PLPPR4: variants seen among roughly 807,000 people sequenced by gnomAD.
PLPPR4 encodes the protein phospholipid phosphatase-related protein type 4.
In PLPPR4, 24 loss-of-function variants were observed where a neutral mutation model predicts 56.6. The ratio of observed to expected loss-of-function variants is 0.42; its 90% confidence interval spans 0.31 to 0.60. PLPPR4 has a LOEUF of 0.60. Ranked by LOEUF, PLPPR4 falls within the 20% of genes least tolerant of loss-of-function variation. The pLI is 0.13. For missense variants in PLPPR4, 654 were observed against 885.8 expected (o/e 0.74, Z 3.32); for synonymous variants, 326 against 328.1 (o/e 0.99, Z 0.07).
chr1:99,284,148 T>C (rs1467558073), intron 1 of PLPPR4, among the ~76,000 whole-genome samples: 1 of 152,190 alleles, frequency 6.6e-6, no homozygotes, highest in East Asian at 1.9e-4. Flanking sequence ...CAATTCTATA[T>C]GTATGCCGAA....
intron 1 of PLPPR4, among the ~76,000 whole-genome samples, chr1:99,273,253 T>C (rs1659103119): frequency 6.6e-6 from 1 of 152,136 alleles, no homozygotes; most frequent in Admixed American, 6.5e-5. Flanking sequence ...GGCTTTCTTA[T>C]TTGCTGTAAC....
At chr1:99,285,577 G>A (rs987560885) in intron 1 of PLPPR4, among the ~76,000 whole-genome samples, 1 of 151,846 alleles carries the variant, frequency 6.6e-6, no homozygotes, top group South Asian at 2.1e-4. Flanking sequence ...GCATCCATCT[G>A]AAAAACAGAA....
chr1:99,286,709 C>T (rs776495227), intron 1 of PLPPR4, among the ~76,000 whole-genome samples: 1 of 151,966 alleles, frequency 6.6e-6, no homozygotes, highest in African/African-American at 2.4e-5. Context: ...GAAATGAATT[C>T]GAATATTACA....
Position 99,290,864 on chromosome 1 carries a change from A to G in PLPPR4, c.264+2714A>G, listed in dbSNP as rs946177974. On this transcript the variant is annotated intron_variant, in intron 2 of 6. Coordinates refer to ENST00000370185, the MANE Select transcript of PLPPR4 (RefSeq NM_014839.5). ...CCTGGAAGAAAACTTAGGCAGTACCATTCAAGTCATAGGCACAGGCAAAGA... is the reference window on the plus strand; with the variant it reads ...CCTGGAAGAAAACTTAGGCAGTACCGTTCAAGTCATAGGCACAGGCAAAGA... Among the ~76,000 whole-genome samples the G allele has an allele frequency of 2.0e-5, 3 of 152,294 alleles. No individual in the cohort carries two copies. The South Asian group carries it at 6.2e-4, about 32-fold the overall frequency.
At chr1:99,280,571 T>C (rs1025562916) in intron 1 of PLPPR4, among the ~76,000 whole-genome samples, 2 of 152,168 alleles carry the variant, frequency 1.3e-5, no homozygotes, top group African/African-American at 4.8e-5. Flanking sequence ...GGGTTGGTAA[T>C]ATGTAAATAA....
In PLPPR4 at chr1:99,306,364, A is replaced by G. The variant is rs748759878; in HGVS notation, c.1502A>G (p.Lys501Arg). Residue 501 changes from lysine to arginine, a missense_variant, in exon 7 of 7, where the codon AAA (lysine) becomes AGA (arginine). By Grantham distance (26) the Lys-to-Arg change is conservative. Around this residue, in one of 2 missense-constraint regions of PLPPR4, gnomAD observed 468 missense variants for 554.3 expected, o/e 0.84. Transcript: ENST00000370185. The surrounding 1 kb of genome is among the most constrained non-coding windows in gnomAD (Gnocchi z 4.0). The part of the protein sequence containing the change: ...ETQENISTSP[K>R]SSSARAKWLK... The stretch of plus-strand genomic sequence containing the variant: ...CAGGAAAACATAAGCACCTCCCCCA[A>G]AAGCAGCTCTGCTCGGGCCAAGTGG... 1.1e-5 allele frequency: 17 copies of G among 1,613,984 alleles called. No individual in the cohort carries two copies. Among genetic ancestry groups the G allele is most frequent in the Admixed American group, 1.7e-5 (1 of 59,992 alleles).
intron 1 of PLPPR4, 28 bp downstream of exon 1, chr1:99,264,699 T>C: frequency 6.5e-7 from 1 of 1,548,282 alleles, no homozygotes; most frequent in East Asian, 2.4e-5. Flanking sequence ...CTTGGCATAA[T>C]GCAGATCCTC....
chr1:99,269,677 TATATG>T (rs1453922019), intron 1 of PLPPR4, among the ~76,000 whole-genome samples: 1 of 152,264 alleles, frequency 6.6e-6, no homozygotes, highest in African/African-American at 2.4e-5. Flanking sequence ...AACATTCTGC[TATATG>T]ATATAACATT....
intron 2 of PLPPR4, among the ~76,000 whole-genome samples, chr1:99,291,487 G>GCAGCACTATTCA (rs1485921913): frequency 6.6e-6 from 1 of 152,160 alleles, no homozygotes; most frequent in Non-Finnish European, 1.5e-5. Context: ...TATATTCATT[G>GCAGCACTATTCA]CAGCACTATT....
At chr1:99,274,950 T>G (rs1452572080) in intron 1 of PLPPR4, among the ~76,000 whole-genome samples, 1 of 152,182 alleles carries the variant, frequency 6.6e-6, no homozygotes, top group African/African-American at 2.4e-5. Context: ...AAATGATGAA[T>G]AAATTAGATT....
At chr1:99,272,864 A>C (rs1022032011) in intron 1 of PLPPR4, among the ~76,000 whole-genome samples, 1 of 152,156 alleles carries the variant, frequency 6.6e-6, no homozygotes, top group Non-Finnish European at 1.5e-5. Context: ...TGAGAAGTAA[A>C]TATAAACTCT....
chr1:99,302,163 AT>A (rs1382164506), intron 6 of PLPPR4, among the ~76,000 whole-genome samples: 5 of 152,172 alleles, frequency 3.3e-5, no homozygotes, highest in African/African-American at 4.8e-5. Flanking sequence ...AGGGACTACT[AT>A]TACTACTATA....
At chr1:99,292,356 A>G (rs1659643941) in intron 2 of PLPPR4, among the ~76,000 whole-genome samples, 1 of 152,186 alleles carries the variant, frequency 6.6e-6, no homozygotes, top group Non-Finnish European at 1.5e-5. Context: ...AATTCTCAAT[A>G]TACAAGTTTG....
At chr1:99,303,405 C>T (rs560481457) in intron 6 of PLPPR4, among the ~76,000 whole-genome samples, 1 of 152,144 alleles carries the variant, frequency 6.6e-6, no homozygotes, top group Admixed American at 6.6e-5. Flanking sequence ...GTAGTTGCTT[C>T]TGGAATTCAA....
At chr1:99,274,674 C>G (rs1659138629) in intron 1 of PLPPR4, among the ~76,000 whole-genome samples, 1 of 151,910 alleles carries the variant, frequency 6.6e-6, no homozygotes, top group Admixed American at 6.6e-5. Flanking sequence ...TTTTCAGTAC[C>G]CTTACCTTGA....
Position 99,301,753 on chromosome 1 carries a change from C to G in PLPPR4, c.678C>G (p.Ser226=). The change falls in exon 6 of 7, where the codon TCC becomes TCG. Residue 226 remains serine, a synonymous_variant. Coordinates refer to ENST00000370185, the MANE Select transcript of PLPPR4 (RefSeq NM_014839.5). The stretch of plus-strand genomic sequence containing the variant: ...ACTTCAATTCCACATTAACGGATTC[C>G]TCTAAGCTTCTGAAACCTCTCTTGG... The part of the protein sequence containing the change: ...SMYFNSTLTD[S]SKLLKPLLVF... 1 of 1,611,188 alleles carries G rather than the reference C, an allele frequency of 6.2e-7. No homozygotes were observed. The highest frequency in any genetic ancestry group is 8.5e-7 in the Non-Finnish European group (1 of 1,178,168).
At chr1:99,300,560 T>C (rs1345256274) in intron 4 of PLPPR4, among the ~76,000 whole-genome samples, 1 of 152,046 alleles carries the variant, frequency 6.6e-6, no homozygotes, top group Non-Finnish European at 1.5e-5. Context: ...CTAGGTTTTA[T>C]GAGCTGTTAC....
At chr1:99,270,998 A>G (rs975435853) in intron 1 of PLPPR4, among the ~76,000 whole-genome samples, 9 of 152,206 alleles carry the variant, frequency 5.9e-5, no homozygotes, top group Admixed American at 5.2e-4. Context: ...AGCACTTGCT[A>G]TTAGGGAATT....
intron 2 of PLPPR4, among the ~76,000 whole-genome samples, chr1:99,292,150 T>C (rs1230850608): frequency 6.6e-6 from 1 of 152,174 alleles, no homozygotes; most frequent in East Asian, 1.9e-4. Context: ...ATTTCCTTTG[T>C]ATATATCTAG....
Sources: allele counts gnomAD v4.1 joint callset (sites outside exome capture counted in the v4.1 genomes callset), GRCh38; gene constraint gnomAD v4.1.1; regional missense constraint gnomAD v4.1.1; non-coding constraint Gnocchi (gnomAD v3.1); transcripts MANE v1.5; gene names NCBI Gene and HGNC (gene_info 2026-07-23, HGNC 2026-07-21).